RIMS2: variants seen among roughly 807,000 people sequenced by gnomAD.
The protein encoded by RIMS2 is regulating synaptic membrane exocytosis protein 2.
A neutral mutation model predicts 174.4 loss-of-function variants in RIMS2; 59 were observed. That is an observed-to-expected ratio of 0.34 (90% CI 0.27 to 0.42). RIMS2 has a LOEUF of 0.42. Ranked by LOEUF, RIMS2 falls within the 10% of genes least tolerant of loss-of-function variation. The pLI, the probability that RIMS2 is intolerant of heterozygous loss-of-function variation, is 1.00. For synonymous variants in RIMS2, 606 were observed against 572.5 expected, an observed-to-expected ratio of 1.06 and a Z score of -0.84; for missense variants, 1,620 against 1,666.3, an observed-to-expected ratio of 0.97 and a Z score of 0.48.
chr8:103,939,074 G>T (rs1317264032), intron 13 of RIMS2, among the ~76,000 whole-genome samples: 1 of 152,144 alleles, frequency 6.6e-6, no homozygotes, highest in Non-Finnish European at 1.5e-5. Flanking sequence ...ACCATTCTGG[G>T]GTCTGGAGGT....
chr8:103,562,161 C>G (rs1201988006), intron 1 of RIMS2, among the ~76,000 whole-genome samples: 2 of 152,210 alleles, frequency 1.3e-5, no homozygotes, highest in Non-Finnish European at 2.9e-5. Flanking sequence ...CTTCACATTT[C>G]AAAACCAGTC....
intron 1 of RIMS2, among the ~76,000 whole-genome samples, chr8:103,541,255 C>G (rs1842445725): frequency 6.6e-6 from 1 of 152,084 alleles, no homozygotes. Context: ...AGAAACAAAC[C>G]ACACATAACG....
intron 3 of RIMS2, among the ~76,000 whole-genome samples, chr8:103,794,876 C>T (rs2098537215): frequency 6.6e-6 from 1 of 152,182 alleles, no homozygotes; most frequent in South Asian, 2.1e-4. Flanking sequence ...AAATCGAAAT[C>T]ACAATGAAAT....
chr8:103,975,721 A>G, intron 16 of RIMS2: 1 of 379,410 alleles, frequency 2.6e-6, no homozygotes, highest in Non-Finnish European at 4.7e-6. Flanking sequence ...TCCATTTTGA[A>G]AGGCTTAAAA....
intron 1 of RIMS2, among the ~76,000 whole-genome samples, chr8:103,623,478 G>T (rs907609156): frequency 7.3e-4 from 61 of 83,206 alleles, no homozygotes; most frequent in East Asian, 1.1e-3. Flanking sequence ...GGTTTCTTCA[G>T]TTTTTTTTTT....
chr8:103,683,418 G>A (rs1039661490), intron 1 of RIMS2, among the ~76,000 whole-genome samples: 2 of 152,118 alleles, frequency 1.3e-5, no homozygotes, highest in Admixed American at 6.6e-5. Context: ...CACCCCCAAG[G>A]AAGAGCATTA....
chr8:103,894,656 C>T (rs1210467733), intron 4 of RIMS2, among the ~76,000 whole-genome samples: 6 of 151,522 alleles, frequency 4.0e-5, no homozygotes, highest in Non-Finnish European at 7.4e-5. Flanking sequence ...GAAACACTAA[C>T]ATTGAACCCT....
At chr8:103,705,411 A>G (rs1270977208) in intron 2 of RIMS2, among the ~76,000 whole-genome samples, 1 of 152,134 alleles carries the variant, frequency 6.6e-6, no homozygotes, top group African/African-American at 2.4e-5. Context: ...AAAAGAATGT[A>G]TAGTTTGTCA....
At chr8:103,793,382 C>T (rs142313278) in intron 3 of RIMS2, among the ~76,000 whole-genome samples, 1 of 151,988 alleles carries the variant, frequency 6.6e-6, no homozygotes, top group Admixed American at 6.6e-5. Flanking sequence ...ATTCAACAGC[C>T]CTTCATGCTA....
chr8:103,763,819 A>G (rs1480778923), intron 2 of RIMS2, among the ~76,000 whole-genome samples: 1 of 152,148 alleles, frequency 6.6e-6, no homozygotes, highest in Non-Finnish European at 1.5e-5. Flanking sequence ...AAACAATACT[A>G]CTTGTACAGT....
At chr8:104,126,946 G>A (rs960679612) in intron 19 of RIMS2, among the ~76,000 whole-genome samples, 17 of 152,090 alleles carry the variant, frequency 1.1e-4, no homozygotes, top group African/African-American at 3.9e-4. Context: ...TTTCAAGCTA[G>A]TTTTCATCAG....
chr8:103,537,567 A>T (rs1840408527), intron 1 of RIMS2, among the ~76,000 whole-genome samples: 3 of 151,936 alleles, frequency 2.0e-5, no homozygotes, highest in Admixed American at 2.0e-4. Flanking sequence ...CCTTTAGCAA[A>T]TTCATTTTTT....
intron 16 of RIMS2, among the ~76,000 whole-genome samples, chr8:103,981,969 TG>T (rs932951269): frequency 1.3e-5 from 2 of 152,096 alleles, no homozygotes; most frequent in East Asian, 1.9e-4. Flanking sequence ...GAAACAGGTT[TG>T]TTTTTTTAAA....
intron 3 of RIMS2, among the ~76,000 whole-genome samples, chr8:103,868,919 TAAGTA>T (rs2099096525): frequency 6.6e-6 from 1 of 152,176 alleles, no homozygotes; most frequent in Admixed American, 6.5e-5. Flanking sequence ...GCATATATGT[TAAGTA>T]TTTAACTGCA....
chr8:103,634,524 G>A (rs1303603997), intron 1 of RIMS2, among the ~76,000 whole-genome samples: 1 of 152,180 alleles, frequency 6.6e-6, no homozygotes, highest in Non-Finnish European at 1.5e-5. Flanking sequence ...TTCTGTAAAG[G>A]TTTATCAGAT....
intron 1 of RIMS2, among the ~76,000 whole-genome samples, chr8:103,527,878 T>C (rs952667275): frequency 3.9e-5 from 6 of 152,240 alleles, no homozygotes; most frequent in Non-Finnish European, 1.5e-5. Flanking sequence ...TATAGCAGCA[T>C]GATTTATAAT....
At chr8:103,694,395 G>T (rs1260068487) in intron 1 of RIMS2, among the ~76,000 whole-genome samples, 1 of 151,934 alleles carries the variant, frequency 6.6e-6, no homozygotes, top group Non-Finnish European at 1.5e-5. Context: ...CTGGAGGCTG[G>T]GTCTTTGTGT....
intron 2 of RIMS2, among the ~76,000 whole-genome samples, chr8:103,758,042 G>C (rs1241829330): frequency 6.6e-6 from 1 of 151,996 alleles, no homozygotes; most frequent in Non-Finnish European, 1.5e-5. Flanking sequence ...ACCAGTTTGG[G>C]GTAATTTGTA....
chr8:104,079,296 G>A (rs1349123938), intron 19 of RIMS2, among the ~76,000 whole-genome samples: 2 of 151,986 alleles, frequency 1.3e-5, no homozygotes, highest in African/African-American at 2.4e-5. Context: ...ATTGCCAAGA[G>A]TGCAGTACCC....
Sources: allele counts gnomAD v4.1 joint callset (sites outside exome capture counted in the v4.1 genomes callset), GRCh38; gene constraint gnomAD v4.1.1; transcripts MANE v1.5; gene names NCBI Gene and HGNC (gene_info 2026-07-23, HGNC 2026-07-21).